Variants in PLXNA4 observed in about 807,000 individuals in gnomAD.
PLXNA4 encodes the protein plexin-A4.
In PLXNA4, 44 loss-of-function variants were observed where a neutral mutation model predicts 191.8. That is an observed-to-expected ratio of 0.23 (90% CI 0.18 to 0.29). The LOEUF is 0.29. Among genes scored for constraint, PLXNA4 ranks in the 10% least tolerant of loss-of-function variants. The pLI is 1.00. For missense variants in PLXNA4, 1,800 were observed against 2,488.8 expected (o/e 0.72, Z 5.89); for synonymous variants, 1,082 against 1,009.5 (o/e 1.07, Z -1.36).
chr7:132,162,179 C>T (rs991072072), intron 24 of PLXNA4, among the ~76,000 whole-genome samples: 3 of 152,240 alleles, frequency 2.0e-5, no homozygotes, highest in Non-Finnish European at 2.9e-5. Context: ...CTGTCCTGCA[C>T]GATTTCTTGC....
At chr7:132,604,220 G>A (rs1802880516) in intron 2 of PLXNA4, among the ~76,000 whole-genome samples, 1 of 152,186 alleles carries the variant, frequency 6.6e-6, no homozygotes. Context: ...TGAGTGCTGA[G>A]AGAAATCAGT....
At chr7:132,494,664 G>A (rs971635262) in intron 2 of PLXNA4, among the ~76,000 whole-genome samples, 2 of 152,130 alleles carry the variant, frequency 1.3e-5, no homozygotes, top group African/African-American at 4.8e-5. Flanking sequence ...CGCTTCCCTC[G>A]TGCACCGCAG....
At chr7:132,145,090 G>A (rs778112994) in intron 29 of PLXNA4, 29 bp downstream of exon 29, 56 of 1,613,438 alleles carry the variant, frequency 3.5e-5, no homozygotes, top group South Asian at 1.2e-4. Context: ...CAGGGCTCCC[G>A]ATGTGCCCCC....
chr7:132,181,363 C>T lies in PLXNA4; in HGVS notation c.3492+18G>A. On this transcript the variant is annotated intron_variant, in intron 18 of 31. Transcript: ENST00000321063. Reference sequence around the variant, plus strand: ...CCCCTTCTTTTCCCACCCCCGCCTCCCACCACCCTCACTCCACCTTTAGGA... The same window carrying T: ...CCCCTTCTTTTCCCACCCCCGCCTCTCACCACCCTCACTCCACCTTTAGGA... 2 of 1,613,458 alleles carry T rather than the reference C, an allele frequency of 1.2e-6. No individual in the cohort carries two copies. The highest frequency in any genetic ancestry group is 1.7e-4 in the Middle Eastern group (1 of 6,056).
chr7:132,300,494 C>T (rs1328687787), intron 3 of PLXNA4, among the ~76,000 whole-genome samples: 1 of 152,136 alleles, frequency 6.6e-6, no homozygotes, highest in Non-Finnish European at 1.5e-5. Flanking sequence ...CCCATTAAGC[C>T]CATGAAAACA....
chr7:132,507,422 G>A, intron 2 of PLXNA4, 84 bp downstream of exon 2: 1 of 1,419,684 alleles, frequency 7.0e-7, no homozygotes, highest in South Asian at 1.4e-5. Context: ...GGGGAAGGAT[G>A]ATACACATCC....
chr7:132,463,716 G>A (rs868001523), intron 3 of PLXNA4, among the ~76,000 whole-genome samples: 2 of 152,174 alleles, frequency 1.3e-5, no homozygotes, highest in Non-Finnish European at 2.9e-5. Context: ...GAGGGCCACT[G>A]TCTCTTACTT....
At chr7:132,523,768 T>C (rs1311077886) in intron 1 of PLXNA4, among the ~76,000 whole-genome samples, 1 of 151,884 alleles carries the variant, frequency 6.6e-6, no homozygotes, top group East Asian at 1.9e-4. Context: ...TTGCTGGTGA[T>C]GTGGAAACAA....
intron 4 of PLXNA4, among the ~76,000 whole-genome samples, chr7:132,260,500 G>A (rs1313517950): frequency 2.6e-5 from 4 of 152,052 alleles, no homozygotes; most frequent in African/African-American, 7.2e-5. Flanking sequence ...AACAACAGAC[G>A]CCAGGGAGTA....
chr7:132,277,505 C>T (rs903749972), intron 4 of PLXNA4, among the ~76,000 whole-genome samples: 89 of 152,256 alleles, frequency 5.8e-4, no homozygotes, highest in African/African-American at 2.0e-3. Context: ...CTTTGAATCA[C>T]GCACAGGATT....
At chr7:132,231,888 C>G (rs190447505) in intron 5 of PLXNA4, among the ~76,000 whole-genome samples, 30 of 152,328 alleles carry the variant, frequency 2.0e-4, no homozygotes, top group African/African-American at 7.2e-4. Context: ...TGTTTTCTTA[C>G]TAGTTGTCAA....
chr7:132,490,226 C>A (rs1797739068), intron 2 of PLXNA4, among the ~76,000 whole-genome samples: 2 of 152,174 alleles, frequency 1.3e-5, no homozygotes, highest in African/African-American at 4.8e-5. Context: ...AAAGTGCCAT[C>A]CATGGAAACC....
At chr7:132,303,656 G>A (rs1403580438) in intron 3 of PLXNA4, among the ~76,000 whole-genome samples, 2 of 152,186 alleles carry the variant, frequency 1.3e-5, no homozygotes, top group African/African-American at 4.8e-5. Flanking sequence ...TGACACCAAG[G>A]AGGAAACCAC....
intron 1 of PLXNA4, among the ~76,000 whole-genome samples, chr7:132,562,925 CCT>C (rs1647337710): frequency 9.0e-6 from 1 of 110,986 alleles, no homozygotes; most frequent in Non-Finnish European, 1.9e-5. Context: ...TCCTCCTCCT[CCT>C]CTCCCTCCTC....
At chr7:132,209,006 T>C (rs548180566) in intron 10 of PLXNA4, among the ~76,000 whole-genome samples, 2 of 152,330 alleles carry the variant, frequency 1.3e-5, no homozygotes, top group African/African-American at 4.8e-5. Flanking sequence ...TTCAACACAA[T>C]CTACTTCCAA....
intron 9 of PLXNA4, among the ~76,000 whole-genome samples, chr7:132,215,736 C>T (rs78702956): frequency 0.029 from 4,402 of 152,188 alleles, 223 homozygotes; most frequent in African/African-American, 0.1. Flanking sequence ...TCCATCAACA[C>T]CCTAAGTGAA....
At chr7:132,155,244 G>A (rs565695523) in intron 25 of PLXNA4, among the ~76,000 whole-genome samples, 32 of 152,240 alleles carry the variant, frequency 2.1e-4, no homozygotes, top group East Asian at 1.2e-3. Flanking sequence ...GCGTGTGAAC[G>A]GAATGGGAGT....
intron 1 of PLXNA4, among the ~76,000 whole-genome samples, chr7:132,567,233 T>C (rs1426115126): frequency 2.0e-5 from 3 of 152,222 alleles, no homozygotes; most frequent in Non-Finnish European, 4.4e-5. Context: ...CAGAATGCTC[T>C]TTCCATGGAG....
chr7:132,131,720 G>T (rs193199268), intron 31 of PLXNA4, among the ~76,000 whole-genome samples: 1 of 152,222 alleles, frequency 6.6e-6, no homozygotes, highest in African/African-American at 2.4e-5. Context: ...GAGAGGAGAC[G>T]GTTGGAATAT....
Sources: gnomAD v4.1 joint callset for allele counts (sites outside exome capture counted in the v4.1 genomes callset) on GRCh38, gnomAD v4.1.1 for gene constraint, MANE v1.5 for transcripts, NCBI Gene and HGNC (gene_info 2026-07-23, HGNC 2026-07-21) for gene names.